Variants in GALNT3 observed in about 807,000 individuals in gnomAD.
GALNT3 encodes GalNAc transferase 3.
Under a neutral mutation model 69.8 loss-of-function variants are expected in GALNT3, and 51 were observed. The observed-to-expected ratio is 0.73, with a 90% CI of 0.58 to 0.92. The LOEUF is 0.92. Among genes scored for constraint, GALNT3 ranks in the 40% least tolerant of loss-of-function variants. The pLI is 0.00. For missense variants in GALNT3, 711 were observed against 760.0 expected (o/e 0.94, Z 0.76); for synonymous variants, 265 against 248.5 (o/e 1.07, Z -0.63).
At chr2:165,787,603 G>C (rs1214279422) in intron 1 of GALNT3, among the ~76,000 whole-genome samples, 1 of 152,216 alleles carries the variant, frequency 6.6e-6, no homozygotes, top group African/African-American at 2.4e-5. Context: ...AATAAAAGTA[G>C]ATGGATTTGA....
Position 165,748,856 on chromosome 2 carries a change from AT to A in GALNT3, c.1826del (p.Asn609MetfsTer7), listed in dbSNP as rs1224661928. On this transcript the variant is annotated frameshift_variant, in exon 11 of 11. Transcript: ENST00000392701. LOFTEE classifies it high-confidence loss of function. ...ATGACACTAAACTTGGATGCTCTCC[AT>A]TTGCTGAAAGGCACATTTTTAAGAA... ...NPFLKMCLSANGEHPSLVSCN... is the reference protein window; with the variant it reads ...NPFLKMCLSAXGEHPSLVSCN... 6.2e-7 allele frequency: 1 copy of A among 1,611,482 alleles called. No homozygotes were observed. The highest frequency in any genetic ancestry group is 8.5e-7 in the Non-Finnish European group (1 of 1,178,362).
At chr2:165,772,268 T>C (rs929509859) in intron 1 of GALNT3, among the ~76,000 whole-genome samples, 1 of 152,040 alleles carries the variant, frequency 6.6e-6, no homozygotes, top group Admixed American at 6.5e-5. Flanking sequence ...AGCAGTGTGA[T>C]ATGTGCTACG....
chr2:165,759,267 A>AC, intron 5 of GALNT3, 69 bp downstream of exon 5: 1 of 1,249,598 alleles, frequency 8.0e-7, no homozygotes, highest in East Asian at 2.4e-5. Flanking sequence ...GCTATAAAGC[A>AC]AACAGTGTGT....
rs1006694266 is a variant in GALNT3 at position 165,772,740 on chromosome 2, G to A, written c.-108-1932C>T. The stretch of plus-strand genomic sequence containing the variant: ...GGAGGGAAAATAGGGAATGTCAGAT[G>A]CAAAACCATAAAAGCAAGAAAAGGC... On this transcript the variant is annotated intron_variant, in intron 1 of 10. Transcript: ENST00000392701. 1.6e-4 allele frequency among the ~76,000 whole-genome samples: 25 copies of A among 152,114 alleles called. 1 individual carries two copies. Among genetic ancestry groups the A allele is most frequent in the Admixed American group, 1.6e-3 (24 of 15,270 alleles).
chr2:165,783,814 C>T (rs1396905815), intron 1 of GALNT3, among the ~76,000 whole-genome samples: 1 of 152,152 alleles, frequency 6.6e-6, no homozygotes, highest in African/African-American at 2.4e-5. Flanking sequence ...ATATTTACCC[C>T]TTCCCCATTA....
chr2:165,766,597 A>G (rs745550651), intron 2 of GALNT3, among the ~76,000 whole-genome samples: 2 of 152,222 alleles, frequency 1.3e-5, no homozygotes, highest in Non-Finnish European at 2.9e-5. Flanking sequence ...AAACTGTGTG[A>G]GGTTTATGGG....
intron 1 of GALNT3, among the ~76,000 whole-genome samples, chr2:165,789,612 T>C (rs1468151888): frequency 2.0e-5 from 3 of 152,136 alleles, no homozygotes; most frequent in African/African-American, 7.2e-5. Context: ...TGACAGCCTG[T>C]AGTCTCAGCT....
intron 7 of GALNT3, 31 bp downstream of exon 7, chr2:165,757,016 A>C: frequency 6.6e-7 from 1 of 1,521,532 alleles, no homozygotes; most frequent in Non-Finnish European, 9.1e-7. Flanking sequence ...TATAGATTTT[A>C]TTGCAATTTA....
At chr2:165,782,118 C>T (rs1002272813) in intron 1 of GALNT3, among the ~76,000 whole-genome samples, 5 of 152,134 alleles carry the variant, frequency 3.3e-5, no homozygotes, top group African/African-American at 1.2e-4. Context: ...TGATAGATAT[C>T]ACAAGTCTTA....
intron 4 of GALNT3, among the ~76,000 whole-genome samples, chr2:165,760,159 T>C (rs1205381300): frequency 6.6e-6 from 1 of 152,226 alleles, no homozygotes; most frequent in African/African-American, 2.4e-5. Context: ...TGTTCCACAT[T>C]ACCTGGCCCT....
At chr2:165,751,840 T>C (rs779624784) in intron 9 of GALNT3, among the ~76,000 whole-genome samples, 6 of 152,108 alleles carry the variant, frequency 3.9e-5, no homozygotes, top group Admixed American at 2.0e-4. Context: ...GATCAAGTTA[T>C]ATAATATCTA....
intron 9 of GALNT3, among the ~76,000 whole-genome samples, chr2:165,750,498 T>C (rs1278049840): frequency 2.6e-5 from 4 of 152,192 alleles, no homozygotes; most frequent in African/African-American, 9.7e-5. Context: ...TTAGCTGCAC[T>C]ATTCCTCTCA....
chr2:165,764,794 T>C lies in GALNT3; in HGVS notation c.688+90A>G, dbSNP rs557734130. 1.0e-5 allele frequency: 13 copies of C among 1,266,178 alleles called. No homozygotes were observed. The East Asian group carries it at 3.0e-4, about 29-fold the overall frequency. 78.4% of individuals were successfully genotyped at this position (1,266,178 alleles called of 1,614,324 possible). On this transcript the variant is annotated intron_variant, in intron 3 of 10. Coordinates refer to ENST00000392701, the MANE Select transcript of GALNT3 (RefSeq NM_004482.4). Reference sequence around the variant, plus strand: ...AAACTATTATATTCAAGCTCTGAGATGGCATACAGAGAGTACCACATAACC... The same window carrying C: ...AAACTATTATATTCAAGCTCTGAGACGGCATACAGAGAGTACCACATAACC...
chr2:165,760,037 C>A (rs906957328), intron 4 of GALNT3, among the ~76,000 whole-genome samples: 1 of 152,024 alleles, frequency 6.6e-6, no homozygotes, highest in Non-Finnish European at 1.5e-5. Context: ...TAGAAAAATT[C>A]CCCTACAGAT....
intron 1 of GALNT3, among the ~76,000 whole-genome samples, chr2:165,773,274 A>G (rs568988531): frequency 6.6e-6 from 1 of 152,248 alleles, no homozygotes; most frequent in African/African-American, 2.4e-5. Context: ...ACGAGACCTG[A>G]TGGTTTTATA....
intron 1 of GALNT3, among the ~76,000 whole-genome samples, chr2:165,792,215 A>T (rs534804913): frequency 2.0e-5 from 3 of 152,338 alleles, no homozygotes; most frequent in Admixed American, 2.0e-4. Flanking sequence ...TTGTTATCTT[A>T]ATCTAGGAAA....
At chr2:165,774,909 C>CTTTTTTTTTTTTTTTTTTTTTT in intron 1 of GALNT3, among the ~76,000 whole-genome samples, 1 of 104,328 alleles carries the variant, frequency 9.6e-6, no homozygotes, top group Non-Finnish European at 1.8e-5. Context: ...CTTCTTCTCT[C>CTTTTTTTTTTTTTTTTTTTTTT]TTTTTTTTTT....
At chr2:165,759,028 G>A (rs889982555) in intron 5 of GALNT3, among the ~76,000 whole-genome samples, 164 bp from the exon 6 acceptor site, 3 of 152,076 alleles carry the variant, frequency 2.0e-5, no homozygotes, top group Non-Finnish European at 2.9e-5. Flanking sequence ...AGATTTTTGG[G>A]GTCGGGGGGA....
chr2:165,749,954 A>C lies in GALNT3; in HGVS notation c.1627-60T>G, dbSNP rs1688328809. On this transcript the variant is annotated intron_variant, in intron 9 of 10. Transcript: ENST00000392701. ...AACCCATGTGCTCAGTTGCAAAATA[A>C]ATAAATAAATCAGCAACTCGTTAAA... 5 of 1,443,472 alleles carry C rather than the reference A, an allele frequency of 3.5e-6. No homozygotes were observed. The South Asian group carries it at 4.6e-5, about 13-fold the overall frequency. The allele number at this position is 1,443,472 out of a possible 1,614,324, so 89.4% of individuals were successfully genotyped here. A position where few individuals can be genotyped will look rare whatever the true frequency, so the allele number is the denominator to read the frequency against.
Sources: gnomAD v4.1 joint callset for allele counts (sites outside exome capture counted in the v4.1 genomes callset) on GRCh38, gnomAD v4.1.1 for gene constraint, MANE v1.5 for transcripts, NCBI Gene and HGNC (gene_info 2026-07-23, HGNC 2026-07-21) for gene names.